Variants in PLCB1 observed in about 807,000 individuals in gnomAD.
PLCB1 encodes phospholipase C beta 1.
PLCB1 carries 46 observed loss-of-function variants against 161.8 expected under a neutral mutation model. The ratio of observed to expected loss-of-function variants is 0.28; its 90% CI spans 0.22 to 0.36. PLCB1 has a LOEUF of 0.36. PLCB1 is among the 10% of genes least tolerant of loss of function. The pLI is 1.00. For missense variants in PLCB1, 1,016 were observed against 1,472.5 expected (o/e 0.69, Z 5.07); for synonymous variants, 517 against 503.7 (o/e 1.03, Z -0.35).
intron 3 of PLCB1, among the ~76,000 whole-genome samples, chr20:8,583,118 G>T (rs550954784): frequency 6.6e-6 from 1 of 152,214 alleles, no homozygotes; most frequent in East Asian, 1.9e-4. Context: ...AATACTGTTT[G>T]ATTCCATTCA....
At chr20:8,449,282 C>T (rs979094990) in intron 3 of PLCB1, among the ~76,000 whole-genome samples, 2 of 152,116 alleles carry the variant, frequency 1.3e-5, no homozygotes, top group African/African-American at 4.8e-5. Context: ...GAAGCAGTGT[C>T]GTGAAGCTGA....
chr20:8,159,138 G>A (rs984579791), intron 2 of PLCB1, among the ~76,000 whole-genome samples: 1 of 152,140 alleles, frequency 6.6e-6, no homozygotes, highest in African/African-American at 2.4e-5. Flanking sequence ...CACCACCCCA[G>A]CAGCAAGCTT....
chr20:8,589,428 G>T lies in PLCB1; in HGVS notation c.247-38866G>T, dbSNP rs149336849. On this transcript the variant is annotated intron_variant, in intron 3 of 31. Transcript: ENST00000338037. Reference sequence around the variant, plus strand: ...ATAACAAATTACTGTAGATTGGGTGGCTTACAAACAACACAAATTTATTTC... The same window carrying T: ...ATAACAAATTACTGTAGATTGGGTGTCTTACAAACAACACAAATTTATTTC... Among the ~76,000 whole-genome samples the T allele has an allele frequency of 3.9e-3, 592 of 152,096 alleles. 5 individuals carry two copies. The highest frequency in any genetic ancestry group is 0.014 in the African/African-American group (564 of 41,482).
At chr20:8,763,149 T>A (rs1301918909) in intron 25 of PLCB1, among the ~76,000 whole-genome samples, 3 of 152,224 alleles carry the variant, frequency 2.0e-5, no homozygotes, top group African/African-American at 7.2e-5. Flanking sequence ...AATGTTAACA[T>A]ATTTTTTAAA....
intron 4 of PLCB1, among the ~76,000 whole-genome samples, chr20:8,630,124 G>A (rs994004336): frequency 2.1e-5 from 3 of 141,438 alleles, no homozygotes; most frequent in Non-Finnish European, 3.0e-5. Flanking sequence ...TCGCCAGGTT[G>A]GAGTGCAGGT....
intron 3 of PLCB1, among the ~76,000 whole-genome samples, chr20:8,572,215 ACT>A (rs933079758): frequency 1.7e-4 from 26 of 152,128 alleles, no homozygotes; most frequent in South Asian, 1.4e-3. Flanking sequence ...TAGAGGAACT[ACT>A]GTACAAAACT....
chr20:8,133,438 A>T (rs1568564503), intron 1 of PLCB1, among the ~76,000 whole-genome samples: 1 of 152,022 alleles, frequency 6.6e-6, no homozygotes, highest in Non-Finnish European at 1.5e-5. Flanking sequence ...ACTTTTGAGA[A>T]CTGAGCTGAT....
chr20:8,660,348 C>A (rs1989587607), intron 9 of PLCB1, among the ~76,000 whole-genome samples: 1 of 152,052 alleles, frequency 6.6e-6, no homozygotes, highest in Non-Finnish European at 1.5e-5. Flanking sequence ...TAGGAGTTCT[C>A]TTCTAAAATC....
chr20:8,382,321 C>T (rs1372136168), intron 3 of PLCB1, among the ~76,000 whole-genome samples: 15 of 136,966 alleles, frequency 1.1e-4, no homozygotes, highest in African/African-American at 3.3e-4. Context: ...CTTGCTCTGT[C>T]GCCCAGGCTG....
At position 8,296,491 on chromosome 20, in the gene PLCB1, G is replaced by A. The variant is rs1478184638; in HGVS notation, c.178-74891G>A. On this transcript the variant is annotated intron_variant, in intron 2 of 31. Coordinates refer to ENST00000338037, the MANE Select transcript of PLCB1 (RefSeq NM_015192.4). Reference sequence around the variant, plus strand: ...TTTGTCTAGCTGAGGTAATAACCATGTTTATTGGCCTAGGCAATGTCTTTT... The same window carrying A: ...TTTGTCTAGCTGAGGTAATAACCATATTTATTGGCCTAGGCAATGTCTTTT... Among the ~76,000 whole-genome samples the A allele has an allele frequency of 3.3e-5, 5 of 152,108 alleles. No homozygotes were observed. The East Asian group carries it at 9.6e-4, about 29-fold the overall frequency.
At chr20:8,567,959 T>A (rs555670840) in intron 3 of PLCB1, among the ~76,000 whole-genome samples, 6 of 152,176 alleles carry the variant, frequency 3.9e-5, no homozygotes, top group Non-Finnish European at 7.4e-5. Context: ...CATAACCAAA[T>A]TGGAAATCTG....
At chr20:8,340,560 C>T (rs1600327855) in intron 2 of PLCB1, among the ~76,000 whole-genome samples, 2 of 151,948 alleles carry the variant, frequency 1.3e-5, no homozygotes, top group Non-Finnish European at 2.9e-5. Flanking sequence ...GTAGCTGGGA[C>T]TACAGGCGCC....
chr20:8,629,899 TTTCTTTC>T (rs1988503490), intron 4 of PLCB1, among the ~76,000 whole-genome samples: 2 of 141,366 alleles, frequency 1.4e-5, no homozygotes, highest in African/African-American at 2.6e-5. Context: ...CTTTTCTTTC[TTTCTTTC>T]TCTTTCCTTT....
rs373957158 is a variant in PLCB1 at position 8,249,138 on chromosome 20, T to C, written c.177+98767T>C. 2.0e-4 allele frequency among the ~76,000 whole-genome samples: 31 copies of C among 152,082 alleles called. No individual in the cohort carries two copies. In the East Asian group the frequency reaches 5.3e-3, roughly 26 times the overall value. On this transcript the variant is annotated intron_variant, in intron 2 of 31. Transcript: ENST00000338037. ...TGAAATATTTTGGTTGCATAAATCG[T>C]CAACTGTAGTTTTTAACTAAGGAAA...
At chr20:8,637,255 C>T (rs1168511267) in intron 4 of PLCB1, among the ~76,000 whole-genome samples, 1 of 152,154 alleles carries the variant, frequency 6.6e-6, no homozygotes, top group Non-Finnish European at 1.5e-5. Context: ...AAAGCTGGCA[C>T]TAAGGATTAA....
intron 2 of PLCB1, among the ~76,000 whole-genome samples, chr20:8,161,763 G>T (rs192445575): frequency 6.6e-6 from 1 of 152,084 alleles, no homozygotes; most frequent in East Asian, 1.9e-4. Flanking sequence ...ATTGGTCTGG[G>T]GTGTGGTCAG....
intron 31 of PLCB1, among the ~76,000 whole-genome samples, chr20:8,805,001 CAAAAAAAAA>C (rs3033880): frequency 3.3e-5 from 3 of 91,002 alleles, no homozygotes; most frequent in Non-Finnish European, 2.1e-5. Flanking sequence ...AACTCCATCT[CAAAAAAAAA>C]AAAAAAAAAA....
intron 14 of PLCB1, 102 bp from the exon 15 acceptor site, chr20:8,722,252 C>A: frequency 1.2e-6 from 1 of 852,864 alleles, no homozygotes; most frequent in South Asian, 1.9e-5. Flanking sequence ...GCCCAACTTC[C>A]AAGGAAATCT....
intron 3 of PLCB1, among the ~76,000 whole-genome samples, chr20:8,489,977 A>G (rs757811480): frequency 6.6e-6 from 1 of 152,184 alleles, no homozygotes; most frequent in African/African-American, 2.4e-5. Flanking sequence ...GCACATTCAC[A>G]GTGATCCAGT....
Sources: allele counts gnomAD v4.1 joint callset (sites outside exome capture counted in the v4.1 genomes callset), GRCh38; gene constraint gnomAD v4.1.1; transcripts MANE v1.5; gene names NCBI Gene and HGNC (gene_info 2026-07-23, HGNC 2026-07-21).